Variants in CDH23 observed in about 807,000 individuals in gnomAD.
The protein encoded by CDH23 is cadherin-23.
A neutral mutation model predicts 317.1 loss-of-function variants in CDH23; 189 were observed. The ratio of observed to expected loss-of-function variants is 0.60; its 90% CI spans 0.53 to 0.67. The LOEUF is 0.67. Ranked by LOEUF, CDH23 falls within the 30% of genes least tolerant of loss-of-function variation. The pLI is 0.00. For missense variants in CDH23, 4,401 were observed against 4,592.4 expected (o/e 0.96, Z 1.20); for synonymous variants, 1,839 against 1,876.8 (o/e 0.98, Z 0.52).
chr10:71,605,931 A>G (rs1469057247), intron 9 of CDH23, among the ~76,000 whole-genome samples: 2 of 152,222 alleles, frequency 1.3e-5, no homozygotes, highest in Non-Finnish European at 2.9e-5. Flanking sequence ...TTTCAGCCAT[A>G]GTCCCTGGTG....
At chr10:71,720,333 G>A (rs532082217) in intron 28 of CDH23, among the ~76,000 whole-genome samples, 2 of 152,076 alleles carry the variant, frequency 1.3e-5, no homozygotes, top group Non-Finnish European at 2.9e-5. Flanking sequence ...TCCCAGGGCA[G>A]AAAGCATAGG....
intron 1 of CDH23, among the ~76,000 whole-genome samples, chr10:71,404,613 G>A (rs1245119103): frequency 1.3e-5 from 2 of 152,238 alleles, no homozygotes; most frequent in African/African-American, 4.8e-5. Flanking sequence ...CTGAATGCTG[G>A]CCAGTCAAGG....
intron 28 of CDH23, chr10:71,719,666 G>C (rs895249495): frequency 6.5e-6 from 1 of 152,750 alleles, no homozygotes; most frequent in Non-Finnish European, 1.5e-5. Context: ...TCCGTGGAGA[G>C]GTCTTCTCAG....
intron 2 of CDH23, among the ~76,000 whole-genome samples, chr10:71,444,341 A>C (rs1850054552): frequency 6.6e-6 from 1 of 152,240 alleles, no homozygotes. Context: ...ACATGGGATG[A>C]TCATGTGGCT....
At chr10:71,682,896 C>G (rs1041333272) in intron 18 of CDH23, among the ~76,000 whole-genome samples, 1 of 152,190 alleles carries the variant, frequency 6.6e-6, no homozygotes, top group Non-Finnish European at 1.5e-5. Flanking sequence ...GAGGAAATGT[C>G]GTGGGCTTCC....
intron 10 of CDH23, among the ~76,000 whole-genome samples, chr10:71,616,125 G>A (rs9665318): frequency 0.02 from 2,995 of 152,306 alleles, 96 homozygotes; most frequent in African/African-American, 0.068. Context: ...CGCTGCAGCC[G>A]CCTGCCACTC....
At chr10:71,725,341 G>C (rs550285493) in intron 29 of CDH23, 31 bp from the exon 30 acceptor site, 3 of 1,613,782 alleles carry the variant, frequency 1.9e-6, no homozygotes, top group Non-Finnish European at 2.5e-6. Flanking sequence ...GGGCAGGGCC[G>C]GTGTTCCAGG....
At chr10:71,424,156 C>T (rs1341693465) in intron 1 of CDH23, among the ~76,000 whole-genome samples, 9 of 152,350 alleles carry the variant, frequency 5.9e-5, no homozygotes, top group East Asian at 1.9e-4. Flanking sequence ...GTGCTGCCTC[C>T]GTCAGCATAG....
At chr10:71,420,590 T>C (rs1348621042) in intron 1 of CDH23, among the ~76,000 whole-genome samples, 2 of 148,454 alleles carry the variant, frequency 1.3e-5, no homozygotes, top group Non-Finnish European at 3.0e-5. Context: ...ATGGTGATGA[T>C]GGTGATGGTG....
At chr10:71,716,282 A>T in intron 28 of CDH23, 1 of 1,530,184 alleles carries the variant, frequency 6.5e-7, no homozygotes, top group South Asian at 1.2e-5. Flanking sequence ...AGCTGAGAGA[A>T]AGGCGAGGGG....
chr10:71,585,164 C>T lies in CDH23; in HGVS notation c.832+7172C>T, dbSNP rs530135449. Among the ~76,000 whole-genome samples, 5 of 152,112 alleles carry T rather than the reference C, an allele frequency of 3.3e-5. No homozygotes were observed. In the South Asian group the frequency reaches 1.0e-3, roughly 32 times the overall value. On this transcript the variant is annotated intron_variant, in intron 9 of 69. Transcript: ENST00000224721. ...TGGTGACGTACAGGAACCGAGTCAG[C>T]AGGCTCTGGTGATGTACTGAAAATA...
rs776527361 is a variant in CDH23, at chr10:71,815,284, C to G, written c.*6C>G. On this transcript the variant is annotated 3_prime_UTR_variant, in exon 70 of 70. Transcript: ENST00000224721. ...TGGAGATCACAGAGCTGTGACTAGA[C>G]AGGGAAGCCTTGTGGGTGTGAGCAG... 1 of 1,552,182 alleles carries G rather than the reference C, an allele frequency of 6.4e-7. No individual in the cohort carries two copies. Among genetic ancestry groups the G allele is most frequent in the South Asian group, 1.2e-5 (1 of 81,620 alleles).
In CDH23 at chr10:71,411,200, A is replaced by G. The variant is rs937600699; in HGVS notation, c.-6+13882A>G. On this transcript the variant is annotated intron_variant, in intron 1 of 69. Coordinates refer to ENST00000224721, the MANE Select transcript of CDH23 (RefSeq NM_022124.6). ...TGAGATTTTGATTGAGACTGCATCA[A>G]AAATATGTAAGTCAATTTGAGGAAA... Among the ~76,000 whole-genome samples, 7 of 152,358 alleles carry G rather than the reference A, an allele frequency of 4.6e-5. No homozygotes were observed. The East Asian group carries it at 1.3e-3, about 29-fold the overall frequency.
chr10:71,409,421 G>A (rs1848252674), intron 1 of CDH23, among the ~76,000 whole-genome samples: 1 of 152,152 alleles, frequency 6.6e-6, no homozygotes, highest in East Asian at 1.9e-4. Context: ...ACCGGGAGGG[G>A]TTAAAGGCAA....
chr10:71,718,348 C>A (rs1055190281), intron 28 of CDH23, among the ~76,000 whole-genome samples: 8 of 152,192 alleles, frequency 5.3e-5, no homozygotes, highest in African/African-American at 1.9e-4. Flanking sequence ...TGCAGAGCAC[C>A]CCACCTCCCA....
Position 71,480,314 on chromosome 10 carries a change from A to G in CDH23, c.146-29768A>G, listed in dbSNP as rs186390344. Among the ~76,000 whole-genome samples the G allele has an allele frequency of 3.0e-4, 45 of 152,332 alleles. No individual in the cohort carries two copies. In the East Asian group the frequency reaches 8.5e-3, roughly 29 times the overall value. On this transcript the variant is annotated intron_variant, in intron 3 of 69. Transcript: ENST00000224721. ...TCTGTCCTTACCCCAGTCTGGCCCT[A>G]TCGTTTCTGCAGCAGTTTATTCAAC...
rs55659529 is a variant in CDH23 at position 71,533,525 on chromosome 10, C to CCACACACACACA, written c.429+22347_429+22358dup. ...ATTGTGACCCTAGGCTGGCTGGACA[C>CCACACACACACA]CACACACACACACACACACACACAC... On this transcript the variant is annotated intron_variant, in intron 6 of 69. Coordinates refer to ENST00000224721, the MANE Select transcript of CDH23 (RefSeq NM_022124.6). Among the ~76,000 whole-genome samples the CCACACACACACA allele has an allele frequency of 9.3e-3, 1,220 of 130,788 alleles. 13 individuals carry two copies. The highest frequency in any genetic ancestry group is 0.017 in the East Asian group (74 of 4,460). The allele number at this position is 130,788 out of a possible 152,430, so 85.8% of individuals were successfully genotyped here. A position where few individuals can be genotyped will look rare whatever the true frequency, so the allele number is the denominator to read the frequency against.
chr10:71,771,364 C>G (rs954811328), intron 38 of CDH23, among the ~76,000 whole-genome samples: 1 of 152,240 alleles, frequency 6.6e-6, no homozygotes, highest in Admixed American at 6.5e-5. Context: ...AGCTGGAGAA[C>G]AGGCTGGCCC....
chr10:71,677,572 C>T lies in CDH23; in HGVS notation c.1631C>T (p.Thr544Ile). 6.2e-7 allele frequency: 1 copy of T among 1,610,328 alleles called. No individual in the cohort carries two copies. Among genetic ancestry groups the T allele is most frequent in the Non-Finnish European group, 8.5e-7 (1 of 1,178,674 alleles). The part of the protein sequence containing the change: ...IARDGGGEET[T>I]GRVRINVLDV... ...CGGGACGGGGGCGGCGAGGAGACCA[C>T]AGGCCGGGTCAGGATCAATGTGTTG... Residue 544 changes from threonine (T) to isoleucine (I), a missense_variant, in exon 16 of 70, where the codon ACA becomes ATA. This residue lies in a region of CDH23 where 3,068 missense variants were observed against 3,203.3 expected (regional missense o/e 0.96). Coordinates refer to ENST00000224721, the MANE Select transcript of CDH23 (RefSeq NM_022124.6).
Sources: allele counts gnomAD v4.1 joint callset (sites outside exome capture counted in the v4.1 genomes callset), GRCh38; gene constraint gnomAD v4.1.1; regional missense constraint gnomAD v4.1.1; transcripts MANE v1.5; gene names NCBI Gene and HGNC (gene_info 2026-07-23, HGNC 2026-07-21).